MPZL1: variants seen among roughly 807,000 people sequenced by gnomAD.
The protein encoded by MPZL1 is myelin protein zero like 1.
In MPZL1, 16 loss-of-function variants were observed where a neutral mutation model predicts 29.3. The ratio of observed to expected loss-of-function variants is 0.55; its 90% CI spans 0.37 to 0.83. The LOEUF is 0.83. Among genes scored for constraint, MPZL1 ranks in the 40% least tolerant of loss-of-function variants. The pLI is 0.00. For synonymous variants in MPZL1, 143 were observed against 132.0 expected, an observed-to-expected ratio of 1.08 and a Z score of -0.57; for missense variants, 279 against 332.9, an observed-to-expected ratio of 0.84 and a Z score of 1.26.
intron 1 of MPZL1, among the ~76,000 whole-genome samples, chr1:167,733,833 A>G (rs1426754066): frequency 1.3e-5 from 2 of 151,698 alleles, no homozygotes; most frequent in African/African-American, 4.9e-5. Flanking sequence ...TGAGCCCAAG[A>G]GTTCAAGGCT....
intron 5 of MPZL1, among the ~76,000 whole-genome samples, chr1:167,786,676 C>CTA (rs1405997083): frequency 6.6e-6 from 1 of 152,178 alleles, no homozygotes; most frequent in Non-Finnish European, 1.5e-5. Context: ...TAGCTGAACT[C>CTA]CACAGAACCC....
At chr1:167,747,268 C>T (rs555793840) in intron 1 of MPZL1, among the ~76,000 whole-genome samples, 3 of 152,226 alleles carry the variant, frequency 2.0e-5, no homozygotes, top group South Asian at 4.2e-4. Context: ...TCGTCTAGGC[C>T]GGAGTGCAGT....
At chr1:167,760,747 CTGTGTGTGTGTGTGTGTGTGTGTG>C (rs58963124) in intron 1 of MPZL1, among the ~76,000 whole-genome samples, 1 of 120,108 alleles carries the variant, frequency 8.3e-6, no homozygotes, top group Non-Finnish European at 1.8e-5. Flanking sequence ...GTTGAATAGG[CTGTGTGTGTGTGTGTGTGTGTGTG>C]TGTGTGTGTG....
chr1:167,732,080 G>A (rs2101748800), intron 1 of MPZL1, among the ~76,000 whole-genome samples: 1 of 152,280 alleles, frequency 6.6e-6, no homozygotes, highest in South Asian at 2.1e-4. Context: ...TTGATTGTGG[G>A]ATGCTGCCCT....
intron 5 of MPZL1, among the ~76,000 whole-genome samples, chr1:167,786,189 A>G (rs1320511122): frequency 3.3e-5 from 5 of 152,178 alleles, no homozygotes; most frequent in African/African-American, 4.8e-5. Context: ...ATGATTATTA[A>G]CCATGTGATC....
intron 5 of MPZL1, among the ~76,000 whole-genome samples, chr1:167,785,752 C>G (rs1260645700): frequency 3.9e-5 from 6 of 152,124 alleles, no homozygotes; most frequent in Non-Finnish European, 8.8e-5. Flanking sequence ...TAGCTGTTAC[C>G]AGGGAACAGT....
intron 1 of MPZL1, among the ~76,000 whole-genome samples, chr1:167,724,005 T>C (rs960668910): frequency 2.6e-5 from 4 of 152,250 alleles, no homozygotes; most frequent in Middle Eastern, 3.4e-3. Flanking sequence ...CCCAGGCTGC[T>C]CTGGAACTGA....
At chr1:167,784,113 C>T (rs1003390246) in intron 5 of MPZL1, among the ~76,000 whole-genome samples, 3 of 152,148 alleles carry the variant, frequency 2.0e-5, no homozygotes, top group Admixed American at 2.0e-4. Context: ...TCTTCCTGGA[C>T]CTTCTCCCCC....
chr1:167,754,439 C>T (rs529224273), intron 1 of MPZL1, among the ~76,000 whole-genome samples: 1 of 152,244 alleles, frequency 6.6e-6, no homozygotes, highest in African/African-American at 2.4e-5. Context: ...CTTTGGACAC[C>T]AATGTCCTGT....
intron 1 of MPZL1, among the ~76,000 whole-genome samples, chr1:167,760,896 G>T (rs529123628): frequency 6.6e-6 from 1 of 151,880 alleles, no homozygotes; most frequent in East Asian, 1.9e-4. Flanking sequence ...ATCATATAGA[G>T]GTCAGGAGAA....
intron 2 of MPZL1, among the ~76,000 whole-genome samples, chr1:167,769,379 C>G (rs1661191969): frequency 6.6e-6 from 1 of 152,168 alleles, no homozygotes; most frequent in Non-Finnish European, 1.5e-5. Flanking sequence ...GGGCTGAAGT[C>G]AGACATGTCT....
intron 1 of MPZL1, among the ~76,000 whole-genome samples, chr1:167,733,980 G>T (rs1571135590): frequency 6.6e-6 from 1 of 152,226 alleles, no homozygotes; most frequent in East Asian, 1.9e-4. Context: ...CTGTAGGCCG[G>T]GTGCGGTGGC....
intron 1 of MPZL1, among the ~76,000 whole-genome samples, chr1:167,726,163 T>A (rs1283505369): frequency 6.6e-6 from 1 of 152,172 alleles, no homozygotes; most frequent in Admixed American, 6.5e-5. Flanking sequence ...GCCATCTTTC[T>A]GCTCTGTGAC....
intron 2 of MPZL1, among the ~76,000 whole-genome samples, chr1:167,769,846 A>G (rs918995736): frequency 6.6e-5 from 10 of 152,230 alleles, no homozygotes; most frequent in African/African-American, 2.2e-4. Context: ...ATAAAAACAG[A>G]TATTGTCAGT....
At chr1:167,722,270 G>A in intron 1 of MPZL1, 28 bp downstream of exon 1, 1 of 1,236,108 alleles carries the variant, frequency 8.1e-7, no homozygotes, top group Non-Finnish European at 1.0e-6. Flanking sequence ...CAGGGCTGGG[G>A]CCGGGGAGTG....
At chr1:167,773,136 G>C (rs926895139) in intron 3 of MPZL1, 100 bp from the exon 4 acceptor site, 2 of 1,274,498 alleles carry the variant, frequency 1.6e-6, no homozygotes, top group Non-Finnish European at 2.2e-6. Flanking sequence ...AGAGGGTACG[G>C]TAACTGCTAA....
chr1:167,747,940 C>A (rs1419383279), intron 1 of MPZL1, among the ~76,000 whole-genome samples: 1 of 152,190 alleles, frequency 6.6e-6, no homozygotes, highest in Non-Finnish European at 1.5e-5. Context: ...TACTAATCTA[C>A]TTTCTGTATT....
rs184941798 is a variant in MPZL1 at position 167,778,231 on chromosome 1, G to A, written c.708+2065G>A. Among the ~76,000 whole-genome samples the A allele has an allele frequency of 5.8e-4, 88 of 151,402 alleles. 1 individual carries two copies. The highest frequency in any genetic ancestry group is 4.2e-3 in the Admixed American group (64 of 15,190). On this transcript the variant is annotated intron_variant, in intron 5 of 5. Coordinates refer to ENST00000359523, the MANE Select transcript of MPZL1 (RefSeq NM_003953.6). ...AGCTACTCAGGAGGCTGAGGCAGGAGAATCACTTGAACCTGGGAGGCAGAG... is the reference window on the plus strand; with the variant it reads ...AGCTACTCAGGAGGCTGAGGCAGGAAAATCACTTGAACCTGGGAGGCAGAG...
At chr1:167,735,019 AT>A (rs1400975993) in intron 1 of MPZL1, among the ~76,000 whole-genome samples, 3 of 152,180 alleles carry the variant, frequency 2.0e-5, no homozygotes, top group African/African-American at 7.2e-5. Flanking sequence ...AAGATTCTGG[AT>A]TTGATTTTCA....
Sources: gnomAD v4.1 joint callset for allele counts (sites outside exome capture counted in the v4.1 genomes callset) on GRCh38, gnomAD v4.1.1 for gene constraint, MANE v1.5 for transcripts, NCBI Gene and HGNC (gene_info 2026-07-23, HGNC 2026-07-21) for gene names.